SH3BGRL: variants seen among roughly 807,000 people sequenced by gnomAD.
SH3BGRL encodes the protein adapter SH3BGRL.
In SH3BGRL, 7 loss-of-function variants were observed where a neutral mutation model predicts 9.8. That is an observed-to-expected ratio of 0.72 (90% CI 0.41 to 1.35). SH3BGRL has a LOEUF of 1.35. Among genes scored for constraint, SH3BGRL ranks in the 40% most tolerant of loss-of-function variants. SH3BGRL has a pLI of 0.01. For synonymous variants in SH3BGRL, 36 were observed against 29.1 expected (o/e 1.24, Z -0.76); for missense variants, 73 against 84.4 (o/e 0.86, Z 0.53).
chrX:81,279,595 A>G (rs2075809392), intron 3 of SH3BGRL, among the ~76,000 whole-genome samples: 1 of 111,099 alleles, frequency 9.0e-6, no homozygotes, highest in South Asian at 3.8e-4. Flanking sequence ...TGTTTGCGGG[A>G]GAAGTTTCCA....
intron 3 of SH3BGRL, among the ~76,000 whole-genome samples, chrX:81,289,221 A>T (rs776326348): frequency 1.9e-3 from 216 of 112,300 alleles, no homozygotes; most frequent in African/African-American, 6.7e-3. Flanking sequence ...CTGGACATCC[A>T]TATGCAGAAG....
intron 1 of SH3BGRL, among the ~76,000 whole-genome samples, chrX:81,274,054 C>A (rs774440012): frequency 1.5e-4 from 17 of 111,855 alleles, no homozygotes; most frequent in African/African-American, 5.5e-4. Flanking sequence ...TGTCCACTTG[C>A]AAATGCATTT....
At chrX:81,278,242 C>T (rs2075804587) in intron 2 of SH3BGRL, 89 bp from the exon 3 acceptor site, 4 of 646,695 alleles carry the variant, frequency 6.2e-6, no homozygotes, top group South Asian at 3.0e-5. Flanking sequence ...GGATTACAGG[C>T]GTGAGCCACT....
intron 1 of SH3BGRL, among the ~76,000 whole-genome samples, chrX:81,220,775 C>T (rs2075597854): frequency 9.1e-6 from 1 of 110,117 alleles, no homozygotes; most frequent in South Asian, 3.8e-4. Flanking sequence ...TTATTTTTTA[C>T]TATATATTTC....
At chrX:81,288,324 C>T in intron 3 of SH3BGRL, among the ~76,000 whole-genome samples, 1 of 112,055 alleles carries the variant, frequency 8.9e-6, no homozygotes, top group Middle Eastern at 4.7e-3. Flanking sequence ...TGAACCACAG[C>T]TAGTATCATA....
rs185691610 is a variant in SH3BGRL at position 81,284,287 on chromosome X, C to A, written c.312+5876C>A. Reference sequence around the variant, plus strand: ...GCAATTCCCATTAAAATACCACTATCCTTCTTCATAGAAAAAAATCCTAAA... The same window carrying A: ...GCAATTCCCATTAAAATACCACTATACTTCTTCATAGAAAAAAATCCTAAA... On this transcript the variant is annotated intron_variant, in intron 3 of 3. Transcript: ENST00000373212. 9.1e-4 allele frequency among the ~76,000 whole-genome samples: 101 copies of A among 110,746 alleles called. 1 individual carries two copies. In the East Asian group the frequency reaches 0.026, roughly 28 times the overall value.
chrX:81,286,422 A>G (rs1414712889), intron 3 of SH3BGRL, among the ~76,000 whole-genome samples: 1 of 102,176 alleles, frequency 9.8e-6, no homozygotes, highest in African/African-American at 3.7e-5. Flanking sequence ...TACTGAATTC[A>G]TCCTATTTTT....
At chrX:81,227,124 A>G (rs1313883355) in intron 1 of SH3BGRL, among the ~76,000 whole-genome samples, 2 of 112,257 alleles carry the variant, frequency 1.8e-5, no homozygotes, top group Admixed American at 9.4e-5. Context: ...GTGAAGTTGT[A>G]TCTGAAATAA....
chrX:81,286,670 A>G (rs1471369043), intron 3 of SH3BGRL, among the ~76,000 whole-genome samples: 1 of 110,528 alleles, frequency 9.0e-6, no homozygotes, highest in Non-Finnish European at 1.9e-5. Flanking sequence ...TAATTTAAGT[A>G]ATTTATCAAA....
At chrX:81,234,693 C>T (rs2075642406) in intron 1 of SH3BGRL, among the ~76,000 whole-genome samples, 1 of 111,920 alleles carries the variant, frequency 8.9e-6, no homozygotes, top group South Asian at 3.7e-4. Flanking sequence ...ATCATTAAGG[C>T]TCTCTGGGTC....
At chrX:81,277,646 T>A (rs1234592233) in intron 2 of SH3BGRL, among the ~76,000 whole-genome samples, 3 of 111,877 alleles carry the variant, frequency 2.7e-5, no homozygotes, top group Non-Finnish European at 5.6e-5. Context: ...CCTAAATGAA[T>A]AATGGAACAG....
At chrX:81,229,086 T>G in intron 1 of SH3BGRL, among the ~76,000 whole-genome samples, 1 of 111,863 alleles carries the variant, frequency 8.9e-6, no homozygotes, top group Non-Finnish European at 1.9e-5. Context: ...GTCCAGAGGC[T>G]GTGGAGCAAG....
chrX:81,292,578 T>C (rs1297300271), intron 3 of SH3BGRL, among the ~76,000 whole-genome samples: 1 of 112,802 alleles, frequency 8.9e-6, no homozygotes. Context: ...TTCAGCTCCC[T>C]TTACTTATGC....
rs2075758904 is a variant in SH3BGRL at position 81,266,893 on chromosome X, TTG to T, written c.46-10089_46-10088del. Among the ~76,000 whole-genome samples, 5 of 111,653 alleles carry T rather than the reference TTG, an allele frequency of 4.5e-5. No individual in the cohort carries two copies. The East Asian group carries it at 8.5e-4, about 19-fold the overall frequency. ...CTCTCTTATTTCCTTGAGCAGTGGT[TTG>T]TATATTTACTTGAAGAGGTCCTTCA... On this transcript the variant is annotated intron_variant, in intron 1 of 3. Coordinates refer to ENST00000373212, the MANE Select transcript of SH3BGRL (RefSeq NM_003022.3).
In SH3BGRL at chrX:81,262,780, A is replaced by C. The variant is rs187411559; in HGVS notation, c.46-14204A>C. On this transcript the variant is annotated intron_variant, in intron 1 of 3. Transcript: ENST00000373212. ...TATTCGCAAATTTTCTGTAAATGTA[A>C]ATTGCATTCCAGAATTAAAGTTTAT... is the stretch of plus-strand genomic sequence containing the variant. 6.4e-4 allele frequency among the ~76,000 whole-genome samples: 72 copies of C among 112,124 alleles called. 2 individuals are homozygous for C. The East Asian group carries it at 0.018, about 28-fold the overall frequency.
chrX:81,250,394 G>A (rs1256904135), intron 1 of SH3BGRL, among the ~76,000 whole-genome samples: 1 of 86,988 alleles, frequency 1.1e-5, no homozygotes, highest in Non-Finnish European at 2.3e-5. Flanking sequence ...GCGACACAGC[G>A]AGACTCCGTC....
At chrX:81,281,497 G>T (rs751828235) in intron 3 of SH3BGRL, among the ~76,000 whole-genome samples, 2 of 111,781 alleles carry the variant, frequency 1.8e-5, no homozygotes, top group Non-Finnish European at 3.8e-5. Flanking sequence ...AAGCTAGAAG[G>T]GATTAAGGCC....
Position 81,298,400 on chromosome X carries a change from A to T in SH3BGRL, c.*1173A>T, listed in dbSNP as rs764959749. The stretch of plus-strand genomic sequence containing the variant: ...TTATTACCAAAAGCAAACACCTCTT[A>T]CTTTAAACTACATTATCATGTATAT... On this transcript the variant is annotated 3_prime_UTR_variant, in exon 4 of 4. Coordinates refer to ENST00000373212, the MANE Select transcript of SH3BGRL (RefSeq NM_003022.3). The T allele has an allele frequency of 9.0e-6, 1 of 111,567 alleles. No homozygotes were observed. Among genetic ancestry groups the T allele is most frequent in the Non-Finnish European group, 1.9e-5 (1 of 52,821 alleles). The allele number at this position is 111,567 out of a possible 1,213,427, so 9.2% of individuals were successfully genotyped here.
chrX:81,282,365 G>A (rs924902282), intron 3 of SH3BGRL, among the ~76,000 whole-genome samples: 4 of 111,405 alleles, frequency 3.6e-5, no homozygotes, highest in Admixed American at 9.5e-5. Flanking sequence ...TTATCCAACT[G>A]CAGAATACAC....
Sources: allele counts gnomAD v4.1 joint callset (sites outside exome capture counted in the v4.1 genomes callset), GRCh38; gene constraint gnomAD v4.1.1; transcripts MANE v1.5; gene names NCBI Gene and HGNC (gene_info 2026-07-23, HGNC 2026-07-21).